ACAP2: variants seen among roughly 807,000 people sequenced by gnomAD.
The protein encoded by ACAP2 is ArfGAP with coiled-coil, ankyrin repeat and PH domains 2, also known as arf-GAP with coiled-coil, ANK repeat and PH domain-containing protein 2.
A neutral mutation model predicts 115.8 loss-of-function variants in ACAP2; 39 were observed. The observed-to-expected ratio is 0.34, with a 90% confidence interval of 0.26 to 0.44. The LOEUF (loss-of-function observed/expected upper bound fraction) is 0.44, where lower values mean the gene tolerates loss of function less well. Ranked by LOEUF, ACAP2 falls within the 20% of genes least tolerant of loss-of-function variation. The pLI is 1.00. For missense variants in ACAP2, 662 were observed against 927.6 expected (o/e 0.71, Z 3.72); for synonymous variants, 289 against 315.8 (o/e 0.92, Z 0.90).
At chr3:195,405,426 C>T (rs1026411635) in intron 1 of ACAP2, among the ~76,000 whole-genome samples, 1 of 152,178 alleles carries the variant, frequency 6.6e-6, no homozygotes, top group African/African-American at 2.4e-5. Flanking sequence ...GTGGCTCACG[C>T]CGGTAATCCC....
intron 2 of ACAP2, among the ~76,000 whole-genome samples, chr3:195,383,840 AC>A (rs1271682212): frequency 2.0e-5 from 3 of 152,096 alleles, no homozygotes; most frequent in Non-Finnish European, 4.4e-5. Context: ...AGAGATAATT[AC>A]CCCCCAAAAA....
At chr3:195,365,150 G>A (rs1315538255) in intron 4 of ACAP2, among the ~76,000 whole-genome samples, 3 of 152,196 alleles carry the variant, frequency 2.0e-5, no homozygotes, top group South Asian at 2.1e-4. Context: ...GTAGGGGGAC[G>A]TGGAGGTGGT....
At chr3:195,379,994 T>G (rs1000359916) in intron 4 of ACAP2, among the ~76,000 whole-genome samples, 2 of 152,156 alleles carry the variant, frequency 1.3e-5, no homozygotes, top group Non-Finnish European at 2.9e-5. Flanking sequence ...CAATAACAAG[T>G]GTTGATAACG....
chr3:195,285,753 T>G, intron 22 of ACAP2, 43 bp downstream of exon 22: 2 of 1,483,108 alleles, frequency 1.3e-6, no homozygotes, highest in African/African-American at 1.4e-5. Context: ...CTGAATGCAT[T>G]TCTTATACTG....
rs143629995 is a variant in ACAP2 at position 195,314,481 on chromosome 3, C to T, written c.858-5644G>A. ...CAGGGTTCTCGCCATGTTGGCCAGG[C>T]GGGTCTTGAACGCCTGACCTCAAGT... is the stretch of plus-strand genomic sequence containing the variant. On this transcript the variant is annotated intron_variant, in intron 10 of 22. Coordinates refer to ENST00000326793, the MANE Select transcript of ACAP2 (RefSeq NM_012287.6). 4.0e-3 allele frequency among the ~76,000 whole-genome samples: 607 copies of T among 152,164 alleles called. 3 individuals are homozygous for T. The highest frequency in any genetic ancestry group is 0.012 in the African/African-American group (511 of 41,538).
chr3:195,297,227 C>T lies in ACAP2; in HGVS notation c.1450G>A (p.Glu484Lys). The stretch of plus-strand genomic sequence containing the variant: ...TGGGGTTTCTTTATTCCCATTTTTT[C>T]CACATTAGCTTCATAAACTCGATTT... ...VINRVYEANV[E>K]KMGIKKPQPG... The change falls in exon 16 of 23, where the codon GAA becomes AAA. Residue 484 changes from glutamate to lysine, a missense_variant. Physicochemically the swap from Glu to Lys is moderately conservative, Grantham distance 56 (BLOSUM62 1). Around this residue, in one of 3 missense-constraint regions of ACAP2, gnomAD observed 401 missense variants for 604.4 expected, o/e 0.66. Coordinates refer to ENST00000326793, the MANE Select transcript of ACAP2 (RefSeq NM_012287.6). The T allele has an allele frequency of 1.2e-6, 2 of 1,612,852 alleles. No individual in the cohort carries two copies. The highest frequency in any genetic ancestry group is 1.7e-6 in the Non-Finnish European group (2 of 1,179,562).
chr3:195,295,657 G>C, intron 17 of ACAP2, 51 bp downstream of exon 17: 1 of 1,593,058 alleles, frequency 6.3e-7, no homozygotes, highest in Non-Finnish European at 8.6e-7. Context: ...TTATAAAAGT[G>C]ATTTGAGCTT....
At chr3:195,383,682 G>A in intron 2 of ACAP2, among the ~76,000 whole-genome samples, 1 of 149,548 alleles carries the variant, frequency 6.7e-6, no homozygotes, top group East Asian at 2.0e-4. Context: ...ATTTCTATAA[G>A]GAAAAAACAA....
Position 195,382,087 on chromosome 3 carries a change from T to A in ACAP2, c.112-65A>T. 3 of 1,505,914 alleles carry A rather than the reference T, an allele frequency of 2.0e-6. No individual in the cohort carries two copies. In the South Asian group the frequency reaches 3.7e-5, roughly 18 times the overall value. 93.3% of individuals were successfully genotyped at this position (1,505,914 alleles called of 1,614,324 possible). A position where few individuals can be genotyped will look rare whatever the true frequency, so the allele number is the denominator to read the frequency against. On this transcript the variant is annotated intron_variant, in intron 2 of 22. Transcript: ENST00000326793. ...TTTACAAATTACTTAGTTGAACAAG[T>A]GTTGGCAGTAACTATATGAGGTGAC...
chr3:195,316,289 AG>A (rs1300952047), intron 10 of ACAP2, among the ~76,000 whole-genome samples: 2 of 151,950 alleles, frequency 1.3e-5, no homozygotes, highest in African/African-American at 4.8e-5. Flanking sequence ...TTTAGAGCTT[AG>A]AAAATGTAAT....
chr3:195,289,201 G>C lies in ACAP2; in HGVS notation c.2094C>G (p.Ala698=). The C allele has an allele frequency of 1.2e-6, 2 of 1,612,998 alleles. No individual in the cohort carries two copies. Among genetic ancestry groups the C allele is most frequent in the African/African-American group, 2.7e-5 (2 of 74,896 alleles). Residue 698 remains alanine, a synonymous_variant, in exon 21 of 23, where the codon GCC becomes GCG. Transcript: ENST00000326793. ...GQVCLFLKRG[A]NQHATDEEGK... ...CTTCTTCATCAGTGGCATGTTGATT[G>C]GCACCTCGTTTTAGGAATAAACATA...
chr3:195,403,728 T>C (rs1312239797), intron 1 of ACAP2, among the ~76,000 whole-genome samples: 1 of 152,166 alleles, frequency 6.6e-6, no homozygotes, highest in African/African-American at 2.4e-5. Flanking sequence ...TGGGCAAGAC[T>C]ACAGGCGGAA....
At chr3:195,387,667 G>A (rs1329354969) in intron 2 of ACAP2, among the ~76,000 whole-genome samples, 1 of 152,168 alleles carries the variant, frequency 6.6e-6, no homozygotes, top group Non-Finnish European at 1.5e-5. Context: ...TGTTAGCCAA[G>A]CTGGTCTCAA....
At chr3:195,363,733 T>C (rs1033285217) in intron 4 of ACAP2, among the ~76,000 whole-genome samples, 29 of 151,760 alleles carry the variant, frequency 1.9e-4, no homozygotes, top group African/African-American at 6.5e-4. Context: ...AGAGCAATAG[T>C]AACCAAAGCA....
chr3:195,352,225 C>T (rs560232066), intron 4 of ACAP2, among the ~76,000 whole-genome samples: 44 of 152,136 alleles, frequency 2.9e-4, no homozygotes, highest in African/African-American at 9.9e-4. Flanking sequence ...AGGTTTGCAG[C>T]GTAAAAGCAA....
chr3:195,350,447 G>C (rs1731480288), intron 4 of ACAP2, among the ~76,000 whole-genome samples: 1 of 152,002 alleles, frequency 6.6e-6, no homozygotes, highest in East Asian at 1.9e-4. Flanking sequence ...AGGAGTTGGA[G>C]ACCAGCCTTG....
rs543136836 is a variant in ACAP2 at position 195,313,512 on chromosome 3, T to A, written c.858-4675A>T. Among the ~76,000 whole-genome samples, 36 of 152,338 alleles carry A rather than the reference T, an allele frequency of 2.4e-4. 2 individuals carry two copies. In the South Asian group the frequency reaches 7.0e-3, roughly 30 times the overall value. ...AATAAACATTTCTCCCAATTGCCCATCCCGTTTTCATGAAATGGTTATCAG... is the reference window on the plus strand; with the variant it reads ...AATAAACATTTCTCCCAATTGCCCAACCCGTTTTCATGAAATGGTTATCAG... On this transcript the variant is annotated intron_variant, in intron 10 of 22. Coordinates refer to ENST00000326793, the MANE Select transcript of ACAP2 (RefSeq NM_012287.6).
intron 8 of ACAP2, among the ~76,000 whole-genome samples, chr3:195,332,619 T>C (rs1371200673): frequency 1.3e-5 from 2 of 152,206 alleles, no homozygotes; most frequent in African/African-American, 4.8e-5. Context: ...TCTTGAATTA[T>C]AATCCCCATA....
At position 195,443,001 on chromosome 3, in the gene ACAP2, A is replaced by C; in HGVS notation, c.-154T>G. 1.7e-6 allele frequency: 1 copy of C among 601,054 alleles called. No homozygotes were observed. The allele number at this position is 601,054 out of a possible 1,614,324, so 37.2% of individuals were successfully genotyped here. ...CGCCCGCTGGTCATAGCAGCCGCGA[A>C]GACGGCGACGACTAGTCAGGCCCCA... On this transcript the variant is annotated 5_prime_UTR_variant, in exon 1 of 23. Coordinates refer to ENST00000326793, the MANE Select transcript of ACAP2 (RefSeq NM_012287.6).
Sources: gnomAD v4.1 joint callset for allele counts (sites outside exome capture counted in the v4.1 genomes callset) on GRCh38, gnomAD v4.1.1 for gene constraint, gnomAD v4.1.1 regional missense constraint, MANE v1.5 for transcripts, NCBI Gene and HGNC (gene_info 2026-07-23, HGNC 2026-07-21) for gene names.